The following PHIP variants were observed in gnomAD, a reference collection of about 807,000 sequenced individuals.
PHIP encodes the protein PH-interacting protein.
Under a neutral mutation model 236.8 loss-of-function variants are expected in PHIP, and 54 were observed. The ratio of observed to expected loss-of-function variants is 0.23; its 90% confidence interval spans 0.18 to 0.29. The LOEUF (loss-of-function observed/expected upper bound fraction) is 0.29. Ranked by LOEUF, PHIP falls within the 10% of genes least tolerant of loss-of-function variation. The pLI, the probability that PHIP is intolerant of heterozygous loss-of-function variation, is 1.00. For missense variants in PHIP, 1,370 were observed against 2,190.8 expected, an observed-to-expected ratio of 0.63 and a Z score of 7.48; for synonymous variants, 756 against 718.9, an observed-to-expected ratio of 1.05 and a Z score of -0.83.
intron 7 of PHIP, among the ~76,000 whole-genome samples, chr6:79,034,523 C>T (rs1238850429): frequency 6.6e-6 from 1 of 152,098 alleles, no homozygotes; most frequent in Admixed American, 6.5e-5. Flanking sequence ...AAGTCTATGC[C>T]CCCAAATTTT....
intron 11 of PHIP, 29 bp from the exon 12 acceptor site, chr6:79,017,415 G>A: frequency 6.3e-7 from 1 of 1,586,302 alleles, no homozygotes; most frequent in Non-Finnish European, 8.6e-7. Flanking sequence ...ACAAAAAAGT[G>A]GGTGCTGAAT....
rs1771540096 is a variant in PHIP, at chr6:79,029,170, G to A, written c.601-3006C>T. Among the ~76,000 whole-genome samples the A allele has an allele frequency of 2.0e-5, 3 of 152,212 alleles. No homozygotes were observed. In the South Asian group the frequency reaches 6.2e-4, roughly 32 times the overall value. ...TTCTTCCATCAAATTGCCAGAGAGA[G>A]AAATTTTTGACCATCCTTTCACAAA... On this transcript the variant is annotated intron_variant, in intron 7 of 39. Transcript: ENST00000275034.
chr6:78,957,394 C>CA (rs1766491432), intron 32 of PHIP: 1 of 151,760 alleles, frequency 6.6e-6, no homozygotes, highest in Admixed American at 6.6e-5. Context: ...TAATAGCCCC[C>CA]AAACCATTGG....
At chr6:78,968,601 C>T (rs1194988204) in intron 27 of PHIP, among the ~76,000 whole-genome samples, 1 of 152,202 alleles carries the variant, frequency 6.6e-6, no homozygotes, top group Non-Finnish European at 1.5e-5. Context: ...AACTTCAATA[C>T]AACTGTGCAT....
chr6:79,026,467 TAA>T lies in PHIP; in HGVS notation c.601-305_601-304del, dbSNP rs11326550. ...TGTAAAAGAAATTGAACTTCTGAAA[TAA>T]AAAAAAAAAAATCATAGCTGCAAAA... On this transcript the variant is annotated intron_variant, in intron 7 of 39. Coordinates refer to ENST00000275034, the MANE Select transcript of PHIP (RefSeq NM_017934.7). Among the ~76,000 whole-genome samples the T allele has an allele frequency of 5.0e-3, 741 of 148,964 alleles. 3 individuals carry two copies. Among genetic ancestry groups the T allele is most frequent in the African/African-American group, 0.016 (638 of 40,834 alleles).
At chr6:78,964,994 A>C (rs946869196) in intron 29 of PHIP, among the ~76,000 whole-genome samples, 1 of 152,158 alleles carries the variant, frequency 6.6e-6, no homozygotes, top group African/African-American at 2.4e-5. Context: ...AAGAAAATAT[A>C]ATCTCCAGGC....
intron 9 of PHIP, among the ~76,000 whole-genome samples, chr6:79,020,875 T>G (rs922899304): frequency 1.3e-5 from 2 of 151,910 alleles, no homozygotes; most frequent in African/African-American, 4.8e-5. Context: ...TTTTATAAGT[T>G]AAATTACAGC....
intron 30 of PHIP, among the ~76,000 whole-genome samples, chr6:78,962,466 A>G (rs1766848019): frequency 6.6e-6 from 1 of 152,150 alleles, no homozygotes; most frequent in Non-Finnish European, 1.5e-5. Flanking sequence ...AAAATACTTC[A>G]GATTTGAATA....
chr6:79,076,491 G>A (rs1055447545), intron 4 of PHIP, among the ~76,000 whole-genome samples: 4 of 152,094 alleles, frequency 2.6e-5, no homozygotes, highest in African/African-American at 9.7e-5. Flanking sequence ...AGAAAATATA[G>A]CTCCTTTAAA....
Position 78,990,945 on chromosome 6 carries a change from T to C in PHIP, c.2242A>G (p.Ile748Val). 1 of 1,611,996 alleles carries C rather than the reference T, an allele frequency of 6.2e-7. No homozygotes were observed. The highest frequency in any genetic ancestry group is 8.5e-7 in the Non-Finnish European group (1 of 1,178,496). Residue 748 changes from isoleucine (I) to valine (V), a missense_variant, in exon 20 of 40, where the codon ATA (isoleucine) becomes GTA (valine). Ile to Val is a conservative substitution (Grantham distance 29). Around this residue, in one of 14 missense-constraint regions of PHIP, gnomAD observed 99 missense variants for 110.0 expected, o/e 0.90. Transcript: ENST00000275034. ...EWRTAKGEEE[I>V]KTYRSEEKRK... ...TTCTCTTCTGACCTGTAAGTCTTTA[T>C]TTCTTCTTCTCCCTTTGCAGTTCTC...
chr6:78,956,347 C>G (rs1766414808), intron 32 of PHIP: 1 of 152,146 alleles, frequency 6.6e-6, no homozygotes, highest in Admixed American at 6.5e-5. Context: ...GTCTGGGCAT[C>G]TGTCCCTTTC....
chr6:79,017,651 A>G, intron 10 of PHIP, 68 bp from the exon 11 acceptor site: 1 of 1,136,064 alleles, frequency 8.8e-7, no homozygotes. Context: ...ATTAGATAAT[A>G]AAATGTAAGC....
intron 36 of PHIP, among the ~76,000 whole-genome samples, chr6:78,947,163 C>A (rs555972789): frequency 6.6e-6 from 1 of 152,172 alleles, no homozygotes; most frequent in African/African-American, 2.4e-5. Flanking sequence ...AACTTTATTA[C>A]ACTGAAACTA....
rs1217179032 is a variant in PHIP at position 78,937,468 on chromosome 6, TAA to T, written c.*3223_*3224del. The T allele has an allele frequency of 6.6e-6, 1 of 151,770 alleles. No individual in the cohort carries two copies. The highest frequency in any genetic ancestry group is 1.5e-5 in the Non-Finnish European group (1 of 67,676). 9.4% of individuals were successfully genotyped at this position (151,770 alleles called of 1,614,324 possible). On this transcript the variant is annotated 3_prime_UTR_variant, in exon 40 of 40. Coordinates refer to ENST00000275034, the MANE Select transcript of PHIP (RefSeq NM_017934.7). ...TCTAGATGTTAACATACATGCTGCA[TAA>T]AGATATTTTCTCTGATTACTGTATC... is the stretch of plus-strand genomic sequence containing the variant.
At chr6:78,988,759 C>G (rs1234226772) in intron 20 of PHIP, among the ~76,000 whole-genome samples, 1 of 150,322 alleles carries the variant, frequency 6.7e-6, no homozygotes, top group African/African-American at 2.5e-5. Flanking sequence ...TAATTAATGA[C>G]AGACATAAGG....
intron 39 of PHIP, 43 bp downstream of exon 39, chr6:78,945,257 A>G (rs1324961092): frequency 1.5e-6 from 2 of 1,350,676 alleles, no homozygotes; most frequent in African/African-American, 1.4e-5. Context: ...ATTATTTATA[A>G]TAAGGATCTA....
At chr6:78,954,541 T>A (rs1006438292) in intron 35 of PHIP, among the ~76,000 whole-genome samples, 1 of 151,038 alleles carries the variant, frequency 6.6e-6, no homozygotes, top group Admixed American at 6.6e-5. Flanking sequence ...AAAAAAAAAA[T>A]TCAGATGAGA....
chr6:78,949,278 G>T (rs1345017705), intron 35 of PHIP, among the ~76,000 whole-genome samples: 8 of 152,042 alleles, frequency 5.3e-5, no homozygotes. Flanking sequence ...GGTACCTGGG[G>T]GGCCTTACAG....
chr6:78,946,241 T>A lies in PHIP; in HGVS notation c.4390A>T (p.Ile1464Phe), dbSNP rs1173079343. 1 of 1,613,244 alleles carries A rather than the reference T, an allele frequency of 6.2e-7. No individual in the cohort carries two copies. The highest frequency in any genetic ancestry group is 1.7e-5 in the Admixed American group (1 of 59,940). The change falls in exon 38 of 40, where the codon ATC (isoleucine) becomes TTC (phenylalanine). Residue 1464 changes from isoleucine to phenylalanine, a missense_variant. Ile to Phe is a conservative substitution (Grantham distance 21). This residue lies in a region of PHIP where 125 missense variants were observed against 235.1 expected (regional missense o/e 0.53). Transcript: ENST00000275034. ...TCTGATTTTAGCTGGGGTTTTAAGA[T>A]CCTTTTTTTCCTTTCAGGGCTGTAA... ...AASSPERKKR[I>F]LKPQLKSESS...
Sources: allele counts gnomAD v4.1 joint callset (sites outside exome capture counted in the v4.1 genomes callset), GRCh38; gene constraint gnomAD v4.1.1; regional missense constraint gnomAD v4.1.1; transcripts MANE v1.5; gene names NCBI Gene and HGNC (gene_info 2026-07-23, HGNC 2026-07-21).